The following IL1F10 variants were observed in gnomAD, a reference collection of about 807,000 sequenced individuals.
The protein encoded by IL1F10 is interleukin-1 family member 10.
In IL1F10, 13 loss-of-function variants were observed where a neutral mutation model predicts 13.1. The observed-to-expected ratio is 0.99, with a 90% CI of 0.64 to 1.57. The LOEUF (loss-of-function observed/expected upper bound fraction) is 1.57. Ranked by LOEUF, IL1F10 falls within the 40% of genes most tolerant of loss-of-function variation. The pLI is 0.00. For missense variants in IL1F10, 191 were observed against 184.1 expected, an observed-to-expected ratio of 1.04 and a Z score of -0.22; for synonymous variants, 78 against 68.2, an observed-to-expected ratio of 1.14 and a Z score of -0.71.
intron 4 of IL1F10, 141 bp from the exon 5 acceptor site, chr2:113,075,011 G>T: frequency 8.2e-7 from 1 of 1,218,558 alleles, no homozygotes; most frequent in Non-Finnish European, 1.2e-6. Flanking sequence ...CAAGACCCTT[G>T]CCCTCTAGAA....
intron 1 of IL1F10, 97 bp from the exon 2 acceptor site, chr2:113,072,614 C>T (rs990541187): frequency 1.3e-5 from 10 of 746,486 alleles, no homozygotes; most frequent in East Asian, 5.7e-5. Context: ...CTGGGGAACC[C>T]GTGCAGCCCT....
In IL1F10 at chr2:113,067,987, A is replaced by ATCAGGGTTCCAGGAAC. The variant is rs1685772154; in HGVS notation, c.-52_-37dup. ...GAGAAATCAGTTGGAGTCTCCAGGG[A>ATCAGGGTTCCAGGAAC]TCAGGGTTCCAGGAACTCAGGATCT... On this transcript the variant is annotated 5_prime_UTR_variant, in exon 1 of 5. Coordinates refer to ENST00000341010, the MANE Select transcript of IL1F10 (RefSeq NM_173161.3). The ATCAGGGTTCCAGGAAC allele has an allele frequency of 6.6e-6, 1 of 152,266 alleles. No homozygotes were observed. Among genetic ancestry groups the ATCAGGGTTCCAGGAAC allele is most frequent in the Admixed American group, 6.5e-5 (1 of 15,278 alleles). The allele number at this position is 152,266 out of a possible 1,614,324, so 9.4% of individuals were successfully genotyped here. A position where few individuals can be genotyped will look rare whatever the true frequency, so the allele number is the denominator to read the frequency against.
chr2:113,072,808 G>A (rs946444708), intron 2 of IL1F10, 38 bp downstream of exon 2: 12 of 1,592,492 alleles, frequency 7.5e-6, no homozygotes, highest in African/African-American at 1.3e-5. Flanking sequence ...TCCAAGCCAG[G>A]GGGTCAGGGT....
chr2:113,072,488 TG>T (rs1685855074), intron 1 of IL1F10: 1 of 504,210 alleles, frequency 2.0e-6, no homozygotes, highest in South Asian at 2.5e-5. Flanking sequence ...CTCACACCCC[TG>T]GTGGCTGGAC....
At chr2:113,069,986 A>G (rs952147103) in intron 1 of IL1F10, among the ~76,000 whole-genome samples, 1 of 152,230 alleles carries the variant, frequency 6.6e-6, no homozygotes, top group Non-Finnish European at 1.5e-5. Context: ...ATGATGAAGG[A>G]TAGGACAGGG....
chr2:113,069,156 C>T (rs187600666), intron 1 of IL1F10, among the ~76,000 whole-genome samples: 1 of 152,134 alleles, frequency 6.6e-6, no homozygotes, highest in East Asian at 1.9e-4. Flanking sequence ...AGTACGTCCA[C>T]TGAGAAGATA....
At chr2:113,074,277 G>A (rs1385653361) in intron 2 of IL1F10, 52 bp from the exon 3 acceptor site, 1 of 1,163,094 alleles carries the variant, frequency 8.6e-7, no homozygotes, top group East Asian at 2.4e-5. Flanking sequence ...AGGGCTTGGG[G>A]GCCAGTGGTG....
At position 113,075,370 on chromosome 2, in the gene IL1F10, C is replaced by A. The variant is rs745485687; in HGVS notation, c.*6C>A. On this transcript the variant is annotated 3_prime_UTR_variant, in exon 5 of 5. Coordinates refer to ENST00000341010, the MANE Select transcript of IL1F10 (RefSeq NM_173161.3). Reference sequence around the variant, plus strand: ...ACTTTGAACAGAGCTGGTAGGGAGACAGGAAACTGCGTTTTAGCCTTGTGC... The same window carrying A: ...ACTTTGAACAGAGCTGGTAGGGAGAAAGGAAACTGCGTTTTAGCCTTGTGC... The A allele has an allele frequency of 1.3e-5, 20 of 1,546,942 alleles. No homozygotes were observed. Among genetic ancestry groups the A allele is most frequent in the Non-Finnish European group, 1.6e-5 (18 of 1,141,730 alleles).
intron 2 of IL1F10, 73 bp from the exon 3 acceptor site, chr2:113,074,256 A>G (rs1173061011): frequency 4.3e-6 from 4 of 928,792 alleles, no homozygotes; most frequent in Non-Finnish European, 5.3e-6. Flanking sequence ...GATTCAGAGC[A>G]TGGAAGTGGA....
chr2:113,068,583 G>T (rs1406030725), intron 1 of IL1F10, among the ~76,000 whole-genome samples: 1 of 152,134 alleles, frequency 6.6e-6, no homozygotes, highest in African/African-American at 2.4e-5. Context: ...GGGATAAAAG[G>T]TGGCAAAATA....
At chr2:113,071,721 G>A (rs1220003104) in intron 1 of IL1F10, among the ~76,000 whole-genome samples, 1 of 152,074 alleles carries the variant, frequency 6.6e-6, no homozygotes, top group Non-Finnish European at 1.5e-5. Flanking sequence ...TGCCTCCCCA[G>A]GGTCCCTCAG....
At position 113,074,580 on chromosome 2, in the gene IL1F10, G is replaced by T. The variant is rs752213563; in HGVS notation, c.119-143G>T. 3.4e-6 allele frequency: 4 copies of T among 1,175,432 alleles called. No homozygotes were observed. The Admixed American group carries it at 5.0e-5, about 15-fold the overall frequency. 72.8% of individuals were successfully genotyped at this position (1,175,432 alleles called of 1,614,324 possible). On this transcript the variant is annotated intron_variant, in intron 3 of 4. Coordinates refer to ENST00000341010, the MANE Select transcript of IL1F10 (RefSeq NM_173161.3). ...GCGAGGGGACATGACTCCTGCAGAA[G>T]TCCTGGCTCACCGTCCAGTCTGCAT...
rs368664734 is a variant in IL1F10 at position 113,072,783 on chromosome 2, G to A, written c.32+13G>A. ...CAAGATACTACATGTAAGTTGTCCT[G>A]GCATGTCCCTGCTTTCCAAGCCAGG... On this transcript the variant is annotated intron_variant, in intron 2 of 4. Transcript: ENST00000341010. 2.5e-5 allele frequency: 41 copies of A among 1,611,382 alleles called. No individual in the cohort carries two copies. The highest frequency in any genetic ancestry group is 5.0e-5 in the Admixed American group (3 of 59,874).
chr2:113,075,308 A>G lies in IL1F10; in HGVS notation c.403A>G (p.Thr135Ala), dbSNP rs1037205330. ...AGAGCCCCAGCAGCCAGTACAGCTC[A>G]CCAAGGAGAGTGAGCCCTCAGCCCG... ...PAEPQQPVQLTKESEPSARTK... is the reference protein window; with the variant it reads ...PAEPQQPVQLAKESEPSARTK... Residue 135 changes from threonine to alanine, a missense_variant, in exon 5 of 5, where the codon ACC becomes GCC. Thr to Ala is a moderately conservative substitution (Grantham distance 58, BLOSUM62 0). Coordinates refer to ENST00000341010, the MANE Select transcript of IL1F10 (RefSeq NM_173161.3). 6 of 1,604,106 alleles carry G rather than the reference A, an allele frequency of 3.7e-6. No individual in the cohort carries two copies. The Admixed American group carries it at 5.0e-5, about 13-fold the overall frequency.
In IL1F10 at chr2:113,068,027, G is replaced by C. The variant is rs1398413150; in HGVS notation, c.-29+11G>C. ...ACTCAGGATCTGCAGGTCAGTGATG[G>C]ACAGGCAATATTCTCTCTCTCTTTT... On this transcript the variant is annotated intron_variant, in intron 1 of 4. Coordinates refer to ENST00000341010, the MANE Select transcript of IL1F10 (RefSeq NM_173161.3). The C allele has an allele frequency of 2.0e-5, 3 of 152,258 alleles. No homozygotes were observed. The highest frequency in any genetic ancestry group is 7.2e-5 in the African/African-American group (3 of 41,418). 9.4% of individuals were successfully genotyped at this position (152,258 alleles called of 1,614,324 possible).
intron 3 of IL1F10, 129 bp from the exon 4 acceptor site, chr2:113,074,594 T>C: frequency 8.0e-7 from 1 of 1,247,434 alleles, no homozygotes; most frequent in South Asian, 1.2e-5. Flanking sequence ...TGGCTCACCG[T>C]CCAGTCTGCA....
rs995582315 is a variant in IL1F10 at position 113,072,700 on chromosome 2, C to T, written c.-28-11C>T. ...CTCCTTTTCTAACTGCCCTTCTCTCCTCCCCATCAGTGAGGACCAGACACC... is the reference window on the plus strand; with the variant it reads ...CTCCTTTTCTAACTGCCCTTCTCTCTTCCCCATCAGTGAGGACCAGACACC... On this transcript the variant is annotated splice_polypyrimidine_tract_variant and intron_variant, in intron 1 of 4. Coordinates refer to ENST00000341010, the MANE Select transcript of IL1F10 (RefSeq NM_173161.3). 5 of 1,598,030 alleles carry T rather than the reference C, an allele frequency of 3.1e-6. No individual in the cohort carries two copies. The South Asian group carries it at 3.3e-5, about 11-fold the overall frequency.
Position 113,074,339 on chromosome 2 carries a change from G to A in IL1F10, c.43G>A (p.Ala15Thr), listed in dbSNP as rs1444910055. The part of the protein sequence containing the change: ...PMARYYIIKY[A>T]DQKALYTRDG... ...GTCATACTGTTTCAGAATTAAATAT[G>A]CAGACCAGAAGGCTCTATACACAAG... The change falls in exon 3 of 5, where the codon GCA becomes ACA. Residue 15 changes from alanine to threonine, a missense_variant. Ala to Thr is a moderately conservative substitution (Grantham distance 58). Transcript: ENST00000341010. 6.2e-7 allele frequency: 1 copy of A among 1,610,792 alleles called. No homozygotes were observed. Among genetic ancestry groups the A allele is most frequent in the Non-Finnish European group, 8.5e-7 (1 of 1,177,144 alleles).
intron 1 of IL1F10, among the ~76,000 whole-genome samples, chr2:113,068,633 T>C (rs1310089749): frequency 6.6e-6 from 1 of 152,334 alleles, no homozygotes; most frequent in Non-Finnish European, 1.5e-5. Flanking sequence ...AGCCTTTCTA[T>C]TCAAAGTCTG....
Sources: allele counts gnomAD v4.1 joint callset (sites outside exome capture counted in the v4.1 genomes callset), GRCh38; gene constraint gnomAD v4.1.1; transcripts MANE v1.5; gene names NCBI Gene and HGNC (gene_info 2026-07-23, HGNC 2026-07-21).